The following SPMAP2L variants were observed in gnomAD, a reference collection of about 807,000 sequenced individuals.
SPMAP2L encodes the protein sperm microtubule associated protein 2-like.
the SPMAP2L span, among the ~76,000 whole-genome samples, chr4:56,543,503 CCA>C: frequency 6.6e-6 from 1 of 152,110 alleles, no homozygotes; most frequent in Admixed American, 6.5e-5. Context: ...ACCAGCCTGG[CCA>C]ACATGGCAAA....
the SPMAP2L span, among the ~76,000 whole-genome samples, chr4:56,574,388 C>T: frequency 6.6e-6 from 1 of 151,490 alleles, no homozygotes; most frequent in African/African-American, 2.4e-5. Context: ...CACTGCACTT[C>T]AGCCTGGGCA....
the SPMAP2L span, among the ~76,000 whole-genome samples, chr4:56,607,687 G>A: frequency 1.3e-5 from 2 of 152,068 alleles, no homozygotes; most frequent in Non-Finnish European, 2.9e-5. Flanking sequence ...CCAGACAGTT[G>A]GCAGAAATAT....
At chr4:56,534,348 G>A in the SPMAP2L span, among the ~76,000 whole-genome samples, 2 of 152,174 alleles carry the variant, frequency 1.3e-5, no homozygotes, top group Non-Finnish European at 2.9e-5. Flanking sequence ...CTTCTGGGAT[G>A]CCTCTACCTC....
chr4:56,596,135 A>G, the SPMAP2L span, among the ~76,000 whole-genome samples: 3 of 152,164 alleles, frequency 2.0e-5, no homozygotes, highest in Non-Finnish European at 2.9e-5. Context: ...CATTTTGTAT[A>G]CCCTGAAGAA....
At chr4:56,568,917 T>A in the SPMAP2L span, among the ~76,000 whole-genome samples, 4 of 152,378 alleles carry the variant, frequency 2.6e-5, no homozygotes, top group East Asian at 7.7e-4. Flanking sequence ...TACAATATGT[T>A]GTTCTTTGTG....
At chr4:56,605,716 G>C in the SPMAP2L span, among the ~76,000 whole-genome samples, 3 of 151,974 alleles carry the variant, frequency 2.0e-5, no homozygotes, top group African/African-American at 7.3e-5. Context: ...AGTTGGCCTG[G>C]GTAAACAGAT....
At chr4:56,596,943 A>G in the SPMAP2L span, among the ~76,000 whole-genome samples, 5 of 152,252 alleles carry the variant, frequency 3.3e-5, no homozygotes, top group Admixed American at 3.3e-4. Context: ...ACTGTGAGCC[A>G]GGCAGTGATC....
At chr4:56,534,734 C>G in the SPMAP2L span, among the ~76,000 whole-genome samples, 4 of 152,290 alleles carry the variant, frequency 2.6e-5, no homozygotes, top group South Asian at 8.3e-4. Context: ...CGAGACCAGC[C>G]TCGCCAACAT....
chr4:56,589,364 T>C, the SPMAP2L span, among the ~76,000 whole-genome samples: 1 of 152,222 alleles, frequency 6.6e-6, no homozygotes, highest in African/African-American at 2.4e-5. Flanking sequence ...AATCAGGTAG[T>C]GTGAGGCCTC....
At chr4:56,589,082 A>G in the SPMAP2L span, among the ~76,000 whole-genome samples, 36 of 151,896 alleles carry the variant, frequency 2.4e-4, no homozygotes, top group Admixed American at 1.8e-3. Context: ...TCCGCCTCCC[A>G]GGTTCAAGTG....
At chr4:56,610,769 A>T in the SPMAP2L span, among the ~76,000 whole-genome samples, 1 of 152,224 alleles carries the variant, frequency 6.6e-6, no homozygotes, top group Non-Finnish European at 1.5e-5. Flanking sequence ...AAATCCCATT[A>T]AAAGGTGGGC....
chr4:56,539,971 A>G, the SPMAP2L span, among the ~76,000 whole-genome samples: 356 of 152,316 alleles, frequency 2.3e-3, 6 homozygotes, highest in African/African-American at 7.7e-3. Context: ...AAGTTTCTTT[A>G]TCCTTCTCTA....
At chr4:56,589,932 T>G in the SPMAP2L span, among the ~76,000 whole-genome samples, 1 of 152,146 alleles carries the variant, frequency 6.6e-6, no homozygotes, top group South Asian at 2.1e-4. Flanking sequence ...GTCTTTAGGG[T>G]TTTCAAGGTA....
At chr4:56,533,208 C>A in the SPMAP2L span, among the ~76,000 whole-genome samples, 1 of 152,166 alleles carries the variant, frequency 6.6e-6, no homozygotes, top group African/African-American at 2.4e-5. Context: ...TGATAACTGA[C>A]CTTTAAATCC....
At chr4:56,593,796 A>T in the SPMAP2L span, 1 of 1,596,056 alleles carries the variant, frequency 6.3e-7, no homozygotes, top group Admixed American at 1.7e-5. Context: ...GCTACCAGCA[A>T]CATCTGTACA....
At chr4:56,613,807 G>A in the SPMAP2L span, among the ~76,000 whole-genome samples, 1 of 152,194 alleles carries the variant, frequency 6.6e-6, no homozygotes, top group Non-Finnish European at 1.5e-5. Context: ...CATGTGACTA[G>A]AATTGTACAT....
the SPMAP2L span, among the ~76,000 whole-genome samples, chr4:56,598,936 A>G: frequency 0.046 from 7,063 of 152,072 alleles, 494 homozygotes; most frequent in African/African-American, 0.15. Context: ...TGATGGTTTT[A>G]TAAGGGGCTT....
At chr4:56,573,958 C>G in the SPMAP2L span, among the ~76,000 whole-genome samples, 1 of 152,158 alleles carries the variant, frequency 6.6e-6, no homozygotes, top group African/African-American at 2.4e-5. Flanking sequence ...GAGAGGGATG[C>G]AGATCTGTAT....
At chr4:56,551,075 A>G in the SPMAP2L span, among the ~76,000 whole-genome samples, 1 of 152,080 alleles carries the variant, frequency 6.6e-6, no homozygotes, top group East Asian at 1.9e-4. Context: ...CTTAATTAGG[A>G]AGGCCATTTC....
Sources: allele counts gnomAD v4.1 joint callset (sites outside exome capture counted in the v4.1 genomes callset), GRCh38; gene constraint gnomAD v4.1.1; transcripts MANE v1.5; gene names NCBI Gene and HGNC (gene_info 2026-07-23, HGNC 2026-07-21).